The following PLA2G15 variants were observed in gnomAD, a reference collection of about 807,000 sequenced individuals.
PLA2G15 encodes the protein phospholipase A2 group XV, also known as lysosomal phospholipase A and acyltransferase.
PLA2G15 carries 20 observed loss-of-function variants against 40.9 expected under a neutral mutation model. The observed-to-expected ratio is 0.49, with a 90% CI of 0.34 to 0.71. The LOEUF is 0.71. PLA2G15 is among the 30% of genes least tolerant of loss of function. PLA2G15 has a pLI of 0.01. For synonymous variants in PLA2G15, 223 were observed against 228.2 expected, an observed-to-expected ratio of 0.98 and a Z score of 0.21; for missense variants, 471 against 541.9, an observed-to-expected ratio of 0.87 and a Z score of 1.30.
chr16:68,245,390 A>C lies in PLA2G15; in HGVS notation c.-37A>C. On this transcript the variant is annotated 5_prime_UTR_variant, in exon 1 of 6. Coordinates refer to ENST00000219345, the MANE Select transcript of PLA2G15 (RefSeq NM_012320.4). ...GCCTAGGCGAGAGCCCAGAGAGCTG[A>C]ACCTGCATCCCGGACCTGCGGCGAC... The C allele has an allele frequency of 6.3e-7, 1 of 1,596,924 alleles. No homozygotes were observed. Among genetic ancestry groups the C allele is most frequent in the Non-Finnish European group, 8.5e-7 (1 of 1,177,024 alleles).
Position 68,259,019 on chromosome 16 carries a change from AC to A in PLA2G15, c.728-125del. 1.4e-6 allele frequency: 1 copy of A among 721,594 alleles called. No individual in the cohort carries two copies. The highest frequency in any genetic ancestry group is 2.3e-6 in the Non-Finnish European group (1 of 426,122). The allele number at this position is 721,594 out of a possible 1,614,324, so 44.7% of individuals were successfully genotyped here. A position where few individuals can be genotyped will look rare whatever the true frequency, so the allele number is the denominator to read the frequency against. On this transcript the variant is annotated intron_variant, in intron 5 of 5. Transcript: ENST00000219345. This position sits in a 1 kb window ranked among gnomAD's most constrained non-coding sequence, Gnocchi z 6.5. ...AGTCACAGTGATTACAATGATGATA[AC>A]CGGGTAGAGATGCGGGACTGTGGAC...
chr16:68,255,990 G>A lies in PLA2G15; in HGVS notation c.727G>A (p.Gly243Arg). Residue 243 changes from glycine to arginine, a missense_variant and splice_region_variant, in exon 5 of 6, where the codon GGA (glycine) becomes AGA (arginine). Coordinates refer to ENST00000219345, the MANE Select transcript of PLA2G15 (RefSeq NM_012320.4). This position sits in a 1 kb window ranked among gnomAD's most constrained non-coding sequence, Gnocchi z 5.9. ...VAKTLRVLAS[G>R]DNNRIPVIGP... ...CAAGACCCTGCGCGTCCTGGCTTCA[G>A]GTAAGACCCTACCTGGCCCAGCGTG... 6.3e-7 allele frequency: 1 copy of A among 1,592,228 alleles called. No homozygotes were observed. The highest frequency in any genetic ancestry group is 8.6e-7 in the Non-Finnish European group (1 of 1,165,348).
Position 68,255,888 on chromosome 16 carries a change from C to G in PLA2G15, c.625C>G (p.Gln209Glu). The G allele has an allele frequency of 6.2e-7, 1 of 1,613,658 alleles. No homozygotes were observed. The highest frequency in any genetic ancestry group is 8.5e-7 in the Non-Finnish European group (1 of 1,179,896). Residue 209 changes from glutamine to glutamate, a missense_variant, in exon 5 of 6, where the codon CAG becomes GAG. Coordinates refer to ENST00000219345, the MANE Select transcript of PLA2G15 (RefSeq NM_012320.4). This position sits in a 1 kb window ranked among gnomAD's most constrained non-coding sequence, Gnocchi z 5.9. ...MGNMYTLYFLQRQPQAWKDKY... is the reference protein window; with the variant it reads ...MGNMYTLYFLERQPQAWKDKY... ...CAACATGTACACGCTCTACTTTCTG[C>G]AGCGGCAGCCGCAGGCCTGGAAGGA...
chr16:68,248,559 G>C, intron 1 of PLA2G15: 1 of 212,536 alleles, frequency 4.7e-6, no homozygotes, highest in Non-Finnish European at 1.0e-5. Context: ...GTAATTTTTT[G>C]TATTTTTAGT....
rs770911676 is a variant in PLA2G15, at chr16:68,259,176, C to T, written c.758C>T (p.Pro253Leu). Residue 253 changes from proline (P) to leucine (L), a missense_variant, in exon 6 of 6, where the codon CCC becomes CTC. By Grantham distance (98) the Pro-to-Leu change is moderately conservative (BLOSUM62 -3). Transcript: ENST00000219345. The surrounding 1 kb of genome is among the most constrained non-coding windows in gnomAD (Gnocchi z 6.5). ...GDNNRIPVIG[P>L]LKIREQQRSA... ...AACAACCGGATCCCAGTCATCGGGC[C>T]CCTGAAGATCCGGGAGCAGCAGCGG... is the stretch of plus-strand genomic sequence containing the variant. 5 of 1,613,700 alleles carry T rather than the reference C, an allele frequency of 3.1e-6. No individual in the cohort carries two copies. Among genetic ancestry groups the T allele is most frequent in the Non-Finnish European group, 8.5e-7 (1 of 1,179,902 alleles).
intron 2 of PLA2G15, chr16:68,250,331 C>T (rs773223028): frequency 6.2e-5 from 20 of 323,660 alleles, no homozygotes; most frequent in Non-Finnish European, 8.8e-5. Flanking sequence ...GGTGCAGTGG[C>T]GCTATCTCGG....
In PLA2G15 at chr16:68,255,037, G is replaced by T; in HGVS notation, c.403G>T (p.Gly135Cys). 3 of 1,600,220 alleles carry T rather than the reference G, an allele frequency of 1.9e-6. No individual in the cohort carries two copies. The highest frequency in any genetic ancestry group is 1.1e-5 in the South Asian group (1 of 90,828). ...EFLDPSKSSV[G>C]SYFHTMVESL... ...CCTGGACCCCAGCAAAAGCAGCGTG[G>T]GTATGTAGCCCTTACTCAAGGCCTC... The change falls in exon 3 of 6, where the codon GGT becomes TGT. Residue 135 changes from glycine (G) to cysteine (C), a missense_variant and splice_region_variant. Coordinates refer to ENST00000219345, the MANE Select transcript of PLA2G15 (RefSeq NM_012320.4). This position sits in a 1 kb window ranked among gnomAD's most constrained non-coding sequence, Gnocchi z 5.9.
At chr16:68,249,657 C>G (rs1047770231) in intron 2 of PLA2G15, among the ~76,000 whole-genome samples, 1 of 152,188 alleles carries the variant, frequency 6.6e-6, no homozygotes, top group Non-Finnish European at 1.5e-5. Flanking sequence ...CCTCTACTCT[C>G]CAGTCCTGGC....
At chr16:68,257,451 G>A (rs1370052416) in intron 5 of PLA2G15, among the ~76,000 whole-genome samples, 4 of 152,228 alleles carry the variant, frequency 2.6e-5, no homozygotes, top group South Asian at 2.1e-4. Flanking sequence ...AATTGGGAAA[G>A]CCACCCCTTT....
chr16:68,256,024 T>C, intron 5 of PLA2G15, 34 bp downstream of exon 5: 1 of 1,406,196 alleles, frequency 7.1e-7, no homozygotes, highest in Non-Finnish European at 9.8e-7. Context: ...TGGGGGGCTG[T>C]TGCCAGGAAT....
In PLA2G15 at chr16:68,249,337, A is replaced by G; in HGVS notation, c.175A>G (p.Thr59Ala). The change falls in exon 2 of 6, where the codon ACA becomes GCA. Residue 59 changes from threonine to alanine, a missense_variant. Thr to Ala is a moderately conservative substitution (Grantham distance 58, BLOSUM62 0). Transcript: ENST00000219345. ...NQLEAKLDKP[T>A]VVHYLCSKKT... ...ACTGGAAGCCAAGCTGGACAAGCCGACAGTGGTGCACTACCTCTGCTCCAA... is the reference window on the plus strand; with the variant it reads ...ACTGGAAGCCAAGCTGGACAAGCCGGCAGTGGTGCACTACCTCTGCTCCAA... 6.2e-7 allele frequency: 1 copy of G among 1,614,052 alleles called. No individual in the cohort carries two copies. The highest frequency in any genetic ancestry group is 8.5e-7 in the Non-Finnish European group (1 of 1,179,934).
At chr16:68,246,257 T>A (rs915910244) in intron 1 of PLA2G15, among the ~76,000 whole-genome samples, 2 of 152,150 alleles carry the variant, frequency 1.3e-5, no homozygotes, top group African/African-American at 4.8e-5. Context: ...CGCTCCTTGA[T>A]CACAACCCTG....
At chr16:68,257,111 C>T (rs889701250) in intron 5 of PLA2G15, among the ~76,000 whole-genome samples, 1 of 151,432 alleles carries the variant, frequency 6.6e-6, no homozygotes, top group African/African-American at 2.4e-5. Flanking sequence ...TAACTCCTGA[C>T]CTCAAGTCAG....
chr16:68,255,807 G>A lies in PLA2G15; in HGVS notation c.544G>A (p.Glu182Lys), dbSNP rs1272829904. The change falls in exon 5 of 6, where the codon GAG becomes AAG. Residue 182 changes from glutamate (E) to lysine (K), a missense_variant. Transcript: ENST00000219345. This position sits in a 1 kb window ranked among gnomAD's most constrained non-coding sequence, Gnocchi z 5.9. ...CTTCCTGGCCCTCCGCGAGATGATC[G>A]AGGAGATGTACCAGCTGTATGGGGG... ...PYFLALREMIEEMYQLYGGPV... is the reference protein window; with the variant it reads ...PYFLALREMIKEMYQLYGGPV... 9 of 1,614,174 alleles carry A rather than the reference G, an allele frequency of 5.6e-6. No homozygotes were observed. Among genetic ancestry groups the A allele is most frequent in the Non-Finnish European group, 6.8e-6 (8 of 1,180,006 alleles).
In PLA2G15 at chr16:68,259,447, C is replaced by T. The variant is rs148746428; in HGVS notation, c.1029C>T (p.Tyr343=). Residue 343 remains tyrosine, a synonymous_variant, in exon 6 of 6, where the codon TAC becomes TAT. Transcript: ENST00000219345. This position sits in a 1 kb window ranked among gnomAD's most constrained non-coding sequence, Gnocchi z 6.5. ...GTGVPTPDSF[Y]YESFPDRDPK... ...GCGTCCCCACACCAGACTCCTTCTA[C>T]TATGAGAGCTTCCCTGACCGTGACC... The T allele has an allele frequency of 2.1e-4, 340 of 1,613,888 alleles. 2 individuals carry two copies. The African/African-American group carries it at 3.8e-3, about 18-fold the overall frequency.
In PLA2G15 at chr16:68,255,537, C is replaced by A; in HGVS notation, c.502+157C>A. The A allele has an allele frequency of 1.6e-6, 1 of 640,874 alleles. No individual in the cohort carries two copies. The highest frequency in any genetic ancestry group is 2.0e-5 in the South Asian group (1 of 51,118). 39.7% of individuals were successfully genotyped at this position (640,874 alleles called of 1,614,324 possible). A position where few individuals can be genotyped will look rare whatever the true frequency, so the allele number is the denominator to read the frequency against. ...AGTGGTCACAGCCACCACCTTTGGT[C>A]AGTCTTATCCTGTCCTCCATTTCCC... On this transcript the variant is annotated intron_variant, in intron 4 of 5. Coordinates refer to ENST00000219345, the MANE Select transcript of PLA2G15 (RefSeq NM_012320.4). This position sits in a 1 kb window ranked among gnomAD's most constrained non-coding sequence, Gnocchi z 5.9.
At position 68,255,564 on chromosome 16, in the gene PLA2G15, C is replaced by T. The variant is rs1172792713; in HGVS notation, c.502+184C>T. ...GTCTTATCCTGTCCTCCATTTCCCA[C>T]CCTGGGACCTCTGGGCCTGTGAGCC... On this transcript the variant is annotated intron_variant, in intron 4 of 5. Coordinates refer to ENST00000219345, the MANE Select transcript of PLA2G15 (RefSeq NM_012320.4). The surrounding 1 kb of genome is among the most constrained non-coding windows in gnomAD (Gnocchi z 5.9). 3.1e-6 allele frequency: 2 copies of T among 641,126 alleles called. No individual in the cohort carries two copies. The highest frequency in any genetic ancestry group is 1.9e-5 in the South Asian group (1 of 51,438). The allele number at this position is 641,126 out of a possible 1,614,324, so 39.7% of individuals were successfully genotyped here.
At chr16:68,245,649 G>T in intron 1 of PLA2G15, 96 bp downstream of exon 1, 1 of 1,332,270 alleles carries the variant, frequency 7.5e-7, no homozygotes, top group South Asian at 1.3e-5. Context: ...GTCACGAAAT[G>T]GGGGAGCGTA....
At chr16:68,250,020 G>C (rs1291408909) in intron 2 of PLA2G15, among the ~76,000 whole-genome samples, 1 of 151,828 alleles carries the variant, frequency 6.6e-6, no homozygotes, top group Non-Finnish European at 1.5e-5. Flanking sequence ...CAGAGCCTCG[G>C]CATGGCCCCC....
Sources: gnomAD v4.1 joint callset for allele counts (sites outside exome capture counted in the v4.1 genomes callset) on GRCh38, gnomAD v4.1.1 for gene constraint, Gnocchi (gnomAD v3.1) non-coding constraint, MANE v1.5 for transcripts, NCBI Gene and HGNC (gene_info 2026-07-23, HGNC 2026-07-21) for gene names.